The following NEDD4L variants were observed in gnomAD, a reference collection of about 807,000 sequenced individuals.
The protein encoded by NEDD4L is NEDD4 like E3 ubiquitin protein ligase.
In NEDD4L, 54 loss-of-function variants were observed where a neutral mutation model predicts 148.9. The ratio of observed to expected loss-of-function variants is 0.36; its 90% confidence interval spans 0.29 to 0.45. NEDD4L has a LOEUF of 0.45. Among genes scored for constraint, NEDD4L ranks in the 20% least tolerant of loss-of-function variants. The pLI is 1.00. For synonymous variants in NEDD4L, 433 were observed against 440.7 expected (o/e 0.98, Z 0.22); for missense variants, 856 against 1,233.8 (o/e 0.69, Z 4.59).
intron 11 of NEDD4L, among the ~76,000 whole-genome samples, chr18:58,332,477 G>A (rs565044120): frequency 7.9e-5 from 12 of 152,076 alleles, no homozygotes; most frequent in East Asian, 1.9e-4. Flanking sequence ...GTGAAACCCC[G>A]TCTCTACTAA....
At chr18:58,165,242 CT>C (rs1450396830) in intron 1 of NEDD4L, among the ~76,000 whole-genome samples, 1 of 152,194 alleles carries the variant, frequency 6.6e-6, no homozygotes, top group African/African-American at 2.4e-5. Context: ...TTCCAAGACA[CT>C]TTGGGGTGGT....
chr18:58,210,088 CCT>C (rs2042447508), intron 2 of NEDD4L, among the ~76,000 whole-genome samples: 1 of 152,142 alleles, frequency 6.6e-6, no homozygotes, highest in Non-Finnish European at 1.5e-5. Flanking sequence ...ATTGCCCAAA[CCT>C]GGGAGGCAGA....
In NEDD4L at chr18:58,234,192, C is replaced by A. The variant is rs1252550250; in HGVS notation, c.123-11235C>A. ...TCTCTCTTTCTTTCTTTCCTTCCTT[C>A]CCCCCTTCCTGCCTCCCTCCCTCCC... is the stretch of plus-strand genomic sequence containing the variant. On this transcript the variant is annotated intron_variant, in intron 2 of 30. Transcript: ENST00000400345. Among the ~76,000 whole-genome samples, 3 of 139,070 alleles carry A rather than the reference C, an allele frequency of 2.2e-5. No individual in the cohort carries two copies. In the East Asian group the frequency reaches 6.6e-4, roughly 30 times the overall value. 91.2% of individuals were successfully genotyped at this position (139,070 alleles called of 152,430 possible). A position where few individuals can be genotyped will look rare whatever the true frequency, so the allele number is the denominator to read the frequency against.
intron 1 of NEDD4L, among the ~76,000 whole-genome samples, chr18:58,121,581 A>AT (rs935404514): frequency 6.6e-6 from 1 of 151,796 alleles, no homozygotes; most frequent in Non-Finnish European, 1.5e-5. Context: ...ATTAACAAAA[A>AT]TTTTTTTTGT....
rs1568131426 is a variant in NEDD4L, at chr18:58,044,227, A to G, written c.-434A>G. The G allele has an allele frequency of 6.7e-6, 1 of 150,288 alleles. No individual in the cohort carries two copies. The highest frequency in any genetic ancestry group is 2.0e-4 in the East Asian group (1 of 5,112). 9.3% of individuals were successfully genotyped at this position (150,288 alleles called of 1,614,324 possible). Reference sequence around the variant, plus strand: ...GGAGGAGGCGGAGGAGGGGGCGGAGAGAGCGGGGGCCCGGACGGCGCTAGC... The same window carrying G: ...GGAGGAGGCGGAGGAGGGGGCGGAGGGAGCGGGGGCCCGGACGGCGCTAGC... On this transcript the variant is annotated 5_prime_UTR_variant, in exon 1 of 31. Coordinates refer to ENST00000400345, the MANE Select transcript of NEDD4L (RefSeq NM_001144967.3).
At chr18:58,134,272 A>G (rs532064338) in intron 1 of NEDD4L, among the ~76,000 whole-genome samples, 2 of 151,946 alleles carry the variant, frequency 1.3e-5, no homozygotes, top group Non-Finnish European at 2.9e-5. Context: ...AAGTGCTGGC[A>G]TTACAGGCAT....
At chr18:58,236,698 A>G (rs555285291) in intron 2 of NEDD4L, among the ~76,000 whole-genome samples, 1 of 152,334 alleles carries the variant, frequency 6.6e-6, no homozygotes, top group South Asian at 2.1e-4. Context: ...ACCATTGCTC[A>G]TAGTTTTTCC....
intron 5 of NEDD4L, among the ~76,000 whole-genome samples, chr18:58,312,269 G>A (rs1353731270): frequency 1.3e-5 from 2 of 152,162 alleles, no homozygotes; most frequent in Non-Finnish European, 2.9e-5. Flanking sequence ...GTAATGGCAT[G>A]GAAATTGACA....
At position 58,388,977 on chromosome 18, in the gene NEDD4L, C is replaced by T. The variant is rs1322894924; in HGVS notation, c.2548-108C>T. On this transcript the variant is annotated intron_variant, in intron 27 of 30. Coordinates refer to ENST00000400345, the MANE Select transcript of NEDD4L (RefSeq NM_001144967.3). Reference sequence around the variant, plus strand: ...TCTGTTGTTATGATTTGCTAGCTTACCTTCGCGGCACAGTGACCACATGCT... The same window carrying T: ...TCTGTTGTTATGATTTGCTAGCTTATCTTCGCGGCACAGTGACCACATGCT... The T allele has an allele frequency of 2.5e-5, 21 of 839,242 alleles. No individual in the cohort carries two copies. The East Asian group carries it at 4.2e-4, about 17-fold the overall frequency. The allele number at this position is 839,242 out of a possible 1,614,324, so 52.0% of individuals were successfully genotyped here. A position where few individuals can be genotyped will look rare whatever the true frequency, so the allele number is the denominator to read the frequency against.
chr18:58,151,625 A>ATGTGTG (rs113714456), intron 1 of NEDD4L, among the ~76,000 whole-genome samples: 4,001 of 141,028 alleles, frequency 0.028, 114 homozygotes, highest in African/African-American at 0.054. Flanking sequence ...GTGCCTGGAT[A>ATGTGTG]TGTGTGTGTG....
At chr18:58,272,326 G>C (rs866476948) in intron 5 of NEDD4L, among the ~76,000 whole-genome samples, 11 of 152,080 alleles carry the variant, frequency 7.2e-5, no homozygotes, top group Admixed American at 2.6e-4. Flanking sequence ...GATATTGATG[G>C]AAGGAAATTA....
Position 58,322,487 on chromosome 18 carries a change from G to A in NEDD4L, c.410+1G>A. 1 of 1,356,518 alleles carries A rather than the reference G, an allele frequency of 7.4e-7. No individual in the cohort carries two copies. The highest frequency in any genetic ancestry group is 1.0e-6 in the Non-Finnish European group (1 of 958,870). The allele number at this position is 1,356,518 out of a possible 1,614,324, so 84.0% of individuals were successfully genotyped here. ...AGGACTTTCTCCTCAGACCAAGAAG[G>A]TGAGGCTTGTGGGTATGGGTGGGTG... On this transcript the variant is annotated splice_donor_variant, in intron 7 of 30. Transcript: ENST00000400345. LOFTEE classifies it high-confidence loss of function.
At chr18:58,265,042 A>T (rs1394977017) in intron 5 of NEDD4L, among the ~76,000 whole-genome samples, 1 of 151,948 alleles carries the variant, frequency 6.6e-6, no homozygotes, top group East Asian at 1.9e-4. Flanking sequence ...AGCAGGCACT[A>T]AGCAAGGCAT....
chr18:58,306,496 C>T (rs550599821), intron 5 of NEDD4L, among the ~76,000 whole-genome samples: 5 of 152,072 alleles, frequency 3.3e-5, no homozygotes, highest in South Asian at 2.1e-4. Flanking sequence ...AGGAGGGATT[C>T]GGGGAGCCTG....
intron 19 of NEDD4L, among the ~76,000 whole-genome samples, chr18:58,362,806 C>T (rs142337962): frequency 6.6e-5 from 10 of 152,274 alleles, no homozygotes; most frequent in East Asian, 3.9e-4. Flanking sequence ...TAGTTTGTGA[C>T]GGGATGTACT....
At chr18:58,161,929 A>T (rs1183823642) in intron 1 of NEDD4L, among the ~76,000 whole-genome samples, 2 of 152,198 alleles carry the variant, frequency 1.3e-5, no homozygotes, top group African/African-American at 2.4e-5. Context: ...TACAAGGAAG[A>T]CTGGGAAATG....
intron 2 of NEDD4L, among the ~76,000 whole-genome samples, chr18:58,231,254 A>T: frequency 6.6e-6 from 1 of 151,438 alleles, no homozygotes; most frequent in Admixed American, 6.6e-5. Context: ...AAAAAAAAAA[A>T]AAAAAAGAAC....
intron 5 of NEDD4L, among the ~76,000 whole-genome samples, chr18:58,309,177 C>G (rs903670080): frequency 6.6e-6 from 1 of 152,136 alleles, no homozygotes; most frequent in East Asian, 1.9e-4. Flanking sequence ...GCCTCAGTTT[C>G]CCTCCCCCCC....
intron 5 of NEDD4L, among the ~76,000 whole-genome samples, chr18:58,276,715 A>T (rs1420098201): frequency 2.4e-5 from 3 of 123,622 alleles, no homozygotes; most frequent in Non-Finnish European, 3.6e-5. Flanking sequence ...ATTATTATTA[A>T]TAAAATGCTT....
Sources: gnomAD v4.1 joint callset for allele counts (sites outside exome capture counted in the v4.1 genomes callset) on GRCh38, gnomAD v4.1.1 for gene constraint, MANE v1.5 for transcripts, NCBI Gene and HGNC (gene_info 2026-07-23, HGNC 2026-07-21) for gene names.